The following CHST11 variants were observed in gnomAD, a reference collection of about 807,000 sequenced individuals.
The protein encoded by CHST11 is carbohydrate sulfotransferase 11, also known as C4S-1.
Under a neutral mutation model 30.4 loss-of-function variants are expected in CHST11, and 9 were observed. That is an observed-to-expected ratio of 0.30 (90% CI 0.18 to 0.52). CHST11 has a LOEUF of 0.52. Ranked by LOEUF, CHST11 falls within the 20% of genes least tolerant of loss-of-function variation. The pLI, the probability that CHST11 is intolerant of heterozygous loss-of-function variation, is 0.97. For missense variants in CHST11, 348 were observed against 460.6 expected (o/e 0.76, Z 2.24); for synonymous variants, 152 against 187.8 (o/e 0.81, Z 1.56).
intron 1 of CHST11, chr12:104,514,044 G>A (rs1565970234): frequency 3.3e-6 from 3 of 899,050 alleles, no homozygotes; most frequent in Admixed American, 1.7e-5. Flanking sequence ...GACCCCCGGG[G>A]CACTACTCAT....
intron 1 of CHST11, 76 bp downstream of exon 1, chr12:104,457,605 G>T: frequency 9.3e-7 from 1 of 1,079,050 alleles, no homozygotes; most frequent in Non-Finnish European, 1.4e-6. Context: ...CCTGATTTCT[G>T]CCTCTTCCAA....
intron 2 of CHST11, among the ~76,000 whole-genome samples, chr12:104,616,504 C>T (rs1157291162): frequency 6.7e-6 from 1 of 150,046 alleles, no homozygotes; most frequent in African/African-American, 2.5e-5. Flanking sequence ...CTCACTCTGT[C>T]GCCTAGTCTG....
chr12:104,710,340 G>A (rs1349965245), intron 2 of CHST11, among the ~76,000 whole-genome samples: 1 of 152,238 alleles, frequency 6.6e-6, no homozygotes, highest in South Asian at 2.1e-4. Flanking sequence ...TTCAGTTGGT[G>A]CTGGCTGTCT....
At chr12:104,743,227 C>T (rs760010068) in intron 2 of CHST11, among the ~76,000 whole-genome samples, 1 of 152,200 alleles carries the variant, frequency 6.6e-6, no homozygotes, top group Non-Finnish European at 1.5e-5. Context: ...TTGAGATAAA[C>T]TAAGGAGATA....
intron 1 of CHST11, among the ~76,000 whole-genome samples, chr12:104,575,215 A>C (rs2038672294): frequency 6.6e-6 from 1 of 151,582 alleles, no homozygotes; most frequent in African/African-American, 2.4e-5. Flanking sequence ...AGAGTGTAGG[A>C]CCACAGGCCC....
chr12:104,457,332 G>C lies in CHST11; in HGVS notation c.-80G>C, dbSNP rs373315830. On this transcript the variant is annotated 5_prime_UTR_variant, in exon 1 of 3. Transcript: ENST00000303694. ...CTCTGCCCCGCGCCTCCCGGGCTCC[G>C]GTCCGCGCGGCGGGGTCCCTGCTCC... 2,050 of 1,005,612 alleles carry C rather than the reference G, an allele frequency of 2.0e-3. 55 individuals carry two copies. In the South Asian group the frequency reaches 0.024, roughly 12 times the overall value. 62.3% of individuals were successfully genotyped at this position (1,005,612 alleles called of 1,614,324 possible).
chr12:104,631,331 G>A (rs145885119), intron 2 of CHST11, among the ~76,000 whole-genome samples: 54 of 152,336 alleles, frequency 3.5e-4, no homozygotes, highest in African/African-American at 1.2e-3. Flanking sequence ...TTCAACTCAA[G>A]TCATTTTATT....
At chr12:104,709,433 G>A (rs566611311) in intron 2 of CHST11, among the ~76,000 whole-genome samples, 40 of 152,354 alleles carry the variant, frequency 2.6e-4, no homozygotes, top group African/African-American at 8.7e-4. Context: ...GACAGGCACT[G>A]TCCTCATAGT....
At chr12:104,524,197 A>T (rs2038101697) in intron 1 of CHST11, among the ~76,000 whole-genome samples, 1 of 152,186 alleles carries the variant, frequency 6.6e-6, no homozygotes, top group Admixed American at 6.5e-5. Context: ...GGAGAGGATT[A>T]TAAATAGGTT....
At chr12:104,506,185 G>A (rs987221102) in intron 1 of CHST11, among the ~76,000 whole-genome samples, 1 of 152,228 alleles carries the variant, frequency 6.6e-6, no homozygotes, top group African/African-American at 2.4e-5. Flanking sequence ...AGAGAAGGAT[G>A]ACAAGCGAAC....
At position 104,711,861 on chromosome 12, in the gene CHST11, A is replaced by C. The variant is rs967929790; in HGVS notation, c.205-45088A>C. ...TCTCATTCCAACAAGGAGAAATAGG[A>C]GGCCACTGAGGCAGAAGAAGCTTCC... On this transcript the variant is annotated intron_variant, in intron 2 of 2. Transcript: ENST00000303694. Among the ~76,000 whole-genome samples, 13 of 152,280 alleles carry C rather than the reference A, an allele frequency of 8.5e-5. No individual in the cohort carries two copies. The South Asian group carries it at 2.7e-3, about 32-fold the overall frequency.
chr12:104,741,226 C>T (rs1225841172), intron 2 of CHST11, among the ~76,000 whole-genome samples: 1 of 152,140 alleles, frequency 6.6e-6, no homozygotes, highest in Non-Finnish European at 1.5e-5. Context: ...GAAATGGCTC[C>T]GTTGGGGCCC....
At chr12:104,484,374 T>G (rs2037656606) in intron 1 of CHST11, among the ~76,000 whole-genome samples, 1 of 152,218 alleles carries the variant, frequency 6.6e-6, no homozygotes. Flanking sequence ...CCAGAATTTC[T>G]TAAACTTACA....
chr12:104,593,472 G>A (rs774769077), intron 1 of CHST11, among the ~76,000 whole-genome samples: 6 of 152,174 alleles, frequency 3.9e-5, no homozygotes, highest in African/African-American at 1.4e-4. Context: ...TCACTGTTTC[G>A]AGGCTCCTGA....
intron 2 of CHST11, among the ~76,000 whole-genome samples, chr12:104,643,869 A>G (rs1438896454): frequency 6.6e-6 from 1 of 152,128 alleles, no homozygotes; most frequent in South Asian, 2.1e-4. Context: ...TCTCTAGAAC[A>G]TTTCTCAGCT....
intron 1 of CHST11, among the ~76,000 whole-genome samples, chr12:104,472,141 C>CTT (rs554866671): frequency 1.4e-4 from 20 of 139,470 alleles, no homozygotes; most frequent in East Asian, 4.1e-4. Flanking sequence ...TTTTTTTTTT[C>CTT]TTTTTTTTTT....
At chr12:104,533,629 G>A (rs1379836182) in intron 1 of CHST11, among the ~76,000 whole-genome samples, 1 of 152,168 alleles carries the variant, frequency 6.6e-6, no homozygotes, top group Non-Finnish European at 1.5e-5. Flanking sequence ...TGAGTGGAAG[G>A]ATTCTCCGCG....
intron 1 of CHST11, among the ~76,000 whole-genome samples, chr12:104,496,950 T>C (rs1452462233): frequency 1.3e-5 from 2 of 152,238 alleles, no homozygotes; most frequent in South Asian, 2.1e-4. Context: ...GCAGTTATGA[T>C]TGTGGATAAT....
intron 1 of CHST11, among the ~76,000 whole-genome samples, chr12:104,582,357 C>A (rs1350523956): frequency 2.0e-5 from 3 of 152,128 alleles, no homozygotes; most frequent in Non-Finnish European, 4.4e-5. Flanking sequence ...TGCTCCTGAG[C>A]AATGAAATCA....
Sources: gnomAD v4.1 joint callset for allele counts (sites outside exome capture counted in the v4.1 genomes callset) on GRCh38, gnomAD v4.1.1 for gene constraint, MANE v1.5 for transcripts, NCBI Gene and HGNC (gene_info 2026-07-23, HGNC 2026-07-21) for gene names.